ZNF608: variants seen among roughly 807,000 people sequenced by gnomAD.
ZNF608 encodes renal carcinoma antigen NY-REN-36.
Under a neutral mutation model 109.0 loss-of-function variants are expected in ZNF608, and 12 were observed. The ratio of observed to expected loss-of-function variants is 0.11; its 90% CI spans 0.07 to 0.18. ZNF608 has a LOEUF of 0.18. Among genes scored for constraint, ZNF608 ranks in the 10% least tolerant of loss-of-function variants. ZNF608 has a pLI of 1.00. For missense variants in ZNF608, 1,707 were observed against 1,879.3 expected, an observed-to-expected ratio of 0.91 and a Z score of 1.70; for synonymous variants, 732 against 717.4, an observed-to-expected ratio of 1.02 and a Z score of -0.33.
intron 3 of ZNF608, among the ~76,000 whole-genome samples, chr5:124,660,632 A>G (rs1163775498): frequency 6.6e-6 from 1 of 152,198 alleles, no homozygotes; most frequent in African/African-American, 2.4e-5. Flanking sequence ...CCAGCTTTGT[A>G]GCCGCTTCAT....
At chr5:124,700,898 A>T in intron 3 of ZNF608, 116 bp downstream of exon 3, 1 of 1,406,778 alleles carries the variant, frequency 7.1e-7, no homozygotes, top group African/African-American at 1.4e-5. Flanking sequence ...AGCGGAAATA[A>T]AAAACACTTT....
At chr5:124,705,527 G>A (rs1289365247) in intron 2 of ZNF608, among the ~76,000 whole-genome samples, 3 of 152,112 alleles carry the variant, frequency 2.0e-5, no homozygotes, top group African/African-American at 7.2e-5. Flanking sequence ...AAAGTCCCTG[G>A]TCTGATATTA....
intron 3 of ZNF608, among the ~76,000 whole-genome samples, chr5:124,695,750 T>C (rs1044269988): frequency 1.3e-5 from 2 of 150,828 alleles, no homozygotes; most frequent in African/African-American, 4.9e-5. Flanking sequence ...GCCTGAGCGA[T>C]GAACTGAGAC....
chr5:124,662,457 G>A (rs1490258523), intron 3 of ZNF608, among the ~76,000 whole-genome samples: 2 of 152,242 alleles, frequency 1.3e-5, no homozygotes, highest in Non-Finnish European at 2.9e-5. Context: ...ACTAAGGCGT[G>A]TGAGCCAATC....
chr5:124,717,163 T>C (rs530576603), intron 2 of ZNF608, among the ~76,000 whole-genome samples: 3 of 152,130 alleles, frequency 2.0e-5, no homozygotes, highest in Admixed American at 2.0e-4. Context: ...AGAAATGTGA[T>C]TTTTAAAATT....
rs145461040 is a variant in ZNF608, at chr5:124,705,946, C to T, written c.907-4677G>A. On this transcript the variant is annotated intron_variant, in intron 2 of 9. Coordinates refer to ENST00000513986, the MANE Select transcript of ZNF608 (RefSeq NM_020747.3). ...TACTACACACCTGCCATTTGCCAGG[C>T]ACCGTGCAACCTGCTAGAACAAGAG... 7.1e-3 allele frequency among the ~76,000 whole-genome samples: 1,083 copies of T among 152,356 alleles called. 12 individuals carry two copies. Among genetic ancestry groups the T allele is most frequent in the Non-Finnish European group, 0.012 (799 of 68,028 alleles).
At chr5:124,725,273 A>C (rs1420156680) in intron 2 of ZNF608, among the ~76,000 whole-genome samples, 1 of 151,918 alleles carries the variant, frequency 6.6e-6, no homozygotes, top group Non-Finnish European at 1.5e-5. Flanking sequence ...ACGTAACGCC[A>C]ACCAAAATAT....
At chr5:124,681,595 A>T (rs1752197540) in intron 3 of ZNF608, among the ~76,000 whole-genome samples, 1 of 152,150 alleles carries the variant, frequency 6.6e-6, no homozygotes, top group African/African-American at 2.4e-5. Flanking sequence ...GAAAGAAAAA[A>T]AATTGGCCTA....
At chr5:124,670,594 C>T (rs776168209) in intron 3 of ZNF608, among the ~76,000 whole-genome samples, 1 of 152,082 alleles carries the variant, frequency 6.6e-6, no homozygotes, top group African/African-American at 2.4e-5. Context: ...GAGGGTAACT[C>T]CTAACTCCAC....
At chr5:124,729,857 G>A (rs1366728142) in intron 2 of ZNF608, among the ~76,000 whole-genome samples, 1 of 152,156 alleles carries the variant, frequency 6.6e-6, no homozygotes, top group African/African-American at 2.4e-5. Flanking sequence ...TGGGTAAGCT[G>A]AGAAAGTAAA....
At chr5:124,692,319 C>T (rs1344840592) in intron 3 of ZNF608, among the ~76,000 whole-genome samples, 4 of 152,214 alleles carry the variant, frequency 2.6e-5, no homozygotes, top group Admixed American at 2.0e-4. Flanking sequence ...AAGACCATAT[C>T]ACTTTGTTCC....
At chr5:124,645,186 T>C (rs962508889) in intron 5 of ZNF608, among the ~76,000 whole-genome samples, 2 of 152,256 alleles carry the variant, frequency 1.3e-5, no homozygotes, top group Non-Finnish European at 2.9e-5. Context: ...ATTTTCCTCA[T>C]CTACTGCAGC....
chr5:124,642,997 G>C, intron 7 of ZNF608, among the ~76,000 whole-genome samples: 1 of 152,020 alleles, frequency 6.6e-6, no homozygotes, highest in East Asian at 1.9e-4. Flanking sequence ...TCCCGGCCCA[G>C]ATTTTCTATT....
At chr5:124,670,546 T>A (rs1234539005) in intron 3 of ZNF608, among the ~76,000 whole-genome samples, 1 of 152,210 alleles carries the variant, frequency 6.6e-6, no homozygotes, top group Non-Finnish European at 1.5e-5. Flanking sequence ...GCGTGGATCC[T>A]CTGCCAGGGA....
At position 124,724,493 on chromosome 5, in the gene ZNF608, G is replaced by A. The variant is rs1754059161; in HGVS notation, c.906+19591C>T. ...GTCAAACCCAGGGAGTATGCAAAGA[G>A]TGCAAAAAAAAAAAAAAAAAAAGAC... On this transcript the variant is annotated intron_variant, in intron 2 of 9. Coordinates refer to ENST00000513986, the MANE Select transcript of ZNF608 (RefSeq NM_020747.3). 3.2e-5 allele frequency among the ~76,000 whole-genome samples: 3 copies of A among 92,532 alleles called. No individual in the cohort carries two copies. The South Asian group carries it at 1.2e-3, about 36-fold the overall frequency. 60.7% of individuals were successfully genotyped at this position (92,532 alleles called of 152,430 possible).
At chr5:124,649,557 T>A (rs1750689481) in intron 4 of ZNF608, 53 bp downstream of exon 4, 2 of 1,400,308 alleles carry the variant, frequency 1.4e-6, no homozygotes, top group African/African-American at 2.9e-5. Context: ...TCTCTACAGT[T>A]TCCCTGCAAA....
intron 3 of ZNF608, among the ~76,000 whole-genome samples, chr5:124,667,731 C>T (rs951103418): frequency 5.9e-5 from 9 of 152,168 alleles, no homozygotes; most frequent in African/African-American, 2.2e-4. Flanking sequence ...TTTAATCCTC[C>T]TAACCACCCA....
intron 3 of ZNF608, among the ~76,000 whole-genome samples, chr5:124,649,900 G>A (rs1002181337): frequency 6.6e-6 from 1 of 152,192 alleles, no homozygotes; most frequent in Non-Finnish European, 1.5e-5. Flanking sequence ...TTGTGCATTC[G>A]TGCGCGTGCG....
chr5:124,725,971 T>A (rs376890430), intron 2 of ZNF608, among the ~76,000 whole-genome samples: 3 of 152,200 alleles, frequency 2.0e-5, no homozygotes, highest in Admixed American at 2.0e-4. Flanking sequence ...TCCTGTTTTT[T>A]CTCACCTCCC....
Sources: gnomAD v4.1 joint callset for allele counts (sites outside exome capture counted in the v4.1 genomes callset) on GRCh38, gnomAD v4.1.1 for gene constraint, MANE v1.5 for transcripts, NCBI Gene and HGNC (gene_info 2026-07-23, HGNC 2026-07-21) for gene names.